Variants in SMYD3 observed in about 807,000 individuals in gnomAD.
The protein encoded by SMYD3 is SET and MYND domain containing 3.
Under a neutral mutation model 57.7 loss-of-function variants are expected in SMYD3, and 36 were observed. That is an observed-to-expected ratio of 0.62 (90% CI 0.48 to 0.82). The LOEUF is 0.82. SMYD3 is among the 40% of genes least tolerant of loss of function. SMYD3 has a pLI of 0.00. For missense variants in SMYD3, 515 were observed against 538.8 expected, an observed-to-expected ratio of 0.96 and a Z score of 0.44; for synonymous variants, 211 against 195.0, an observed-to-expected ratio of 1.08 and a Z score of -0.68.
intron 2 of SMYD3, among the ~76,000 whole-genome samples, chr1:246,338,730 A>G (rs1156725815): frequency 6.6e-6 from 1 of 152,228 alleles, no homozygotes; most frequent in Non-Finnish European, 1.5e-5. Context: ...TTCAGAATCT[A>G]TACAGTTTCA....
At chr1:246,265,605 T>C (rs527677235) in intron 5 of SMYD3, among the ~76,000 whole-genome samples, 1 of 152,182 alleles carries the variant, frequency 6.6e-6, no homozygotes, top group South Asian at 2.1e-4. Context: ...GATATTCACA[T>C]GTCAGCAGCT....
intron 1 of SMYD3, among the ~76,000 whole-genome samples, chr1:246,476,596 C>G (rs1295689118): frequency 6.6e-6 from 1 of 152,218 alleles, no homozygotes; most frequent in Non-Finnish European, 1.5e-5. Context: ...TCCTAACAAT[C>G]TAAGCAAAGA....
intron 5 of SMYD3, among the ~76,000 whole-genome samples, chr1:245,934,933 G>T (rs888841087): frequency 6.6e-6 from 1 of 152,158 alleles, no homozygotes; most frequent in South Asian, 2.1e-4. Context: ...CTAGTCTTGC[G>T]ACAGTTTGAC....
intron 5 of SMYD3, among the ~76,000 whole-genome samples, chr1:246,208,586 A>G (rs540265797): frequency 6.6e-6 from 1 of 152,270 alleles, no homozygotes; most frequent in Admixed American, 6.5e-5. Context: ...CGCAGCTCCT[A>G]TTAGGGCTAA....
intron 1 of SMYD3, among the ~76,000 whole-genome samples, chr1:246,473,809 C>A (rs2067992169): frequency 6.6e-6 from 1 of 152,200 alleles, no homozygotes; most frequent in Non-Finnish European, 1.5e-5. Flanking sequence ...GTATGCTCTG[C>A]CCCTCAGGGG....
At chr1:246,500,881 G>C (rs987971654) in intron 1 of SMYD3, among the ~76,000 whole-genome samples, 1 of 152,124 alleles carries the variant, frequency 6.6e-6, no homozygotes, top group Admixed American at 6.5e-5. Context: ...CCCAAACCTC[G>C]TTACAGAAGA....
chr1:246,238,901 T>A (rs2148469724), intron 5 of SMYD3, among the ~76,000 whole-genome samples: 1 of 151,542 alleles, frequency 6.6e-6, no homozygotes, highest in East Asian at 1.9e-4. Context: ...TGGTTTTTTT[T>A]TTTTTTTTTG....
At chr1:246,241,100 T>A (rs140309680) in intron 5 of SMYD3, among the ~76,000 whole-genome samples, 9,002 of 151,794 alleles carry the variant, frequency 0.059, 435 homozygotes, top group African/African-American at 0.12. Context: ...TCCTGCCTGA[T>A]TGCCCTGGCC....
chr1:246,171,462 A>G (rs893896573), intron 5 of SMYD3, among the ~76,000 whole-genome samples: 1 of 152,152 alleles, frequency 6.6e-6, no homozygotes, highest in Non-Finnish European at 1.5e-5. Context: ...TACTGGAGTC[A>G]TGTCTTCTTA....
In SMYD3 at chr1:246,410,641, T is replaced by C. The variant is rs374882513; in HGVS notation, c.165-55547A>G. ...ATTGGGTAAAATTCTCTTTTTTTGT[T>C]GTGTCTCTGCCAGGCTTTGGTATCA... is the stretch of plus-strand genomic sequence containing the variant. On this transcript the variant is annotated intron_variant, in intron 1 of 11. Coordinates refer to ENST00000490107, the MANE Select transcript of SMYD3 (RefSeq NM_001167740.2). Among the ~76,000 whole-genome samples, 25 of 152,282 alleles carry C rather than the reference T, an allele frequency of 1.6e-4. No homozygotes were observed. In the South Asian group the frequency reaches 3.3e-3, roughly 20 times the overall value.
At chr1:246,186,859 G>C (rs910389824) in intron 5 of SMYD3, 1 of 985,286 alleles carries the variant, frequency 1.0e-6, no homozygotes, top group Non-Finnish European at 1.2e-6. Context: ...CACATCACAG[G>C]CACAGTTACC....
intron 5 of SMYD3, among the ~76,000 whole-genome samples, chr1:246,151,248 A>T (rs2148156379): frequency 6.7e-6 from 1 of 150,190 alleles, no homozygotes; most frequent in Non-Finnish European, 1.5e-5. Flanking sequence ...TCTGTCTCAA[A>T]AAAAAAAAAA....
intron 5 of SMYD3, among the ~76,000 whole-genome samples, chr1:246,308,472 AATAAT>A (rs906655419): frequency 3.3e-5 from 5 of 152,052 alleles, no homozygotes; most frequent in African/African-American, 9.7e-5. Context: ...TAAATATTAT[AATAAT>A]ATAATACTAA....
At chr1:246,221,747 C>T (rs1214986112) in intron 5 of SMYD3, among the ~76,000 whole-genome samples, 2 of 152,196 alleles carry the variant, frequency 1.3e-5, no homozygotes, top group Admixed American at 1.3e-4. Context: ...TGCTGACACA[C>T]ACCCCTCACC....
In SMYD3 at chr1:245,798,356, A is replaced by G. The variant is rs140105302; in HGVS notation, c.1077-34207T>C. Among the ~76,000 whole-genome samples the G allele has an allele frequency of 2.9e-3, 438 of 148,604 alleles. 5 individuals carry two copies. The highest frequency in any genetic ancestry group is 0.011 in the African/African-American group (418 of 39,740). On this transcript the variant is annotated intron_variant, in intron 10 of 11. Transcript: ENST00000490107. ...GAAGGGCAGACTGAGAAGCCTTCTGAGGGAAGGATCTTGACCTGTCAACAC... is the reference window on the plus strand; with the variant it reads ...GAAGGGCAGACTGAGAAGCCTTCTGGGGGAAGGATCTTGACCTGTCAACAC...
intron 5 of SMYD3, among the ~76,000 whole-genome samples, chr1:245,938,223 C>T (rs1367157588): frequency 6.6e-6 from 1 of 152,314 alleles, no homozygotes; most frequent in South Asian, 2.1e-4. Flanking sequence ...ATGACAGTAG[C>T]TGAAGTGTGC....
At chr1:246,077,530 A>C (rs2060568032) in intron 5 of SMYD3, among the ~76,000 whole-genome samples, 1 of 123,878 alleles carries the variant, frequency 8.1e-6, no homozygotes, top group African/African-American at 4.5e-5. Flanking sequence ...AGAATAATTT[A>C]AAATTTAAAA....
intron 1 of SMYD3, among the ~76,000 whole-genome samples, chr1:246,494,112 C>T (rs941390633): frequency 6.6e-6 from 1 of 152,206 alleles, no homozygotes; most frequent in African/African-American, 2.4e-5. Context: ...TCCATGTGCA[C>T]CTCATACTGC....
At chr1:245,973,855 C>T (rs138367138) in intron 5 of SMYD3, among the ~76,000 whole-genome samples, 172 of 152,234 alleles carry the variant, frequency 1.1e-3, no homozygotes, top group African/African-American at 3.8e-3. Context: ...CCAAGTCATT[C>T]GGAAACGTAA....
Sources: gnomAD v4.1 joint callset for allele counts (sites outside exome capture counted in the v4.1 genomes callset) on GRCh38, gnomAD v4.1.1 for gene constraint, MANE v1.5 for transcripts, NCBI Gene and HGNC (gene_info 2026-07-23, HGNC 2026-07-21) for gene names.